Variants in LTBP1 observed in about 807,000 individuals in gnomAD.
LTBP1 encodes latent-transforming growth factor beta-binding protein 1.
In LTBP1, 129 loss-of-function variants were observed where a neutral mutation model predicts 207.6. The observed-to-expected ratio is 0.62, with a 90% CI of 0.54 to 0.72. The LOEUF is 0.72. LTBP1 is among the 30% of genes least tolerant of loss of function. The pLI is 0.00. For missense variants in LTBP1, 2,281 were observed against 2,217.2 expected, an observed-to-expected ratio of 1.03 and a Z score of -0.58; for synonymous variants, 963 against 833.7, an observed-to-expected ratio of 1.16 and a Z score of -2.67.
At chr2:33,226,038 A>G (rs879301583) in intron 9 of LTBP1, among the ~76,000 whole-genome samples, 2 of 152,238 alleles carry the variant, frequency 1.3e-5, no homozygotes, top group Non-Finnish European at 2.9e-5. Context: ...TGCTGCAATA[A>G]TAAGTTCAAT....
chr2:33,277,760 C>CCTTTCTTTCTTTCTTTCTTTCTTTCT, intron 18 of LTBP1, among the ~76,000 whole-genome samples: 2 of 95,470 alleles, frequency 2.1e-5, no homozygotes, highest in African/African-American at 1.1e-4. Flanking sequence ...TTTTTTTTTC[C>CCTTTCTTTCTTTCTTTCTTTCTTTCT]CTTTCTTTCT....
At position 33,347,597 on chromosome 2, in the gene LTBP1, G is replaced by A. The variant is rs984649753; in HGVS notation, c.4000+87G>A. On this transcript the variant is annotated intron_variant, in intron 26 of 33. Transcript: ENST00000404816. ...CAGCTTTGGGATAAACGCTGGGAGT[G>A]AGATAAGAAGCAGCCAGATGTCCTG... The A allele has an allele frequency of 3.3e-6, 5 of 1,506,490 alleles. No individual in the cohort carries two copies. The African/African-American group carries it at 5.5e-5, about 17-fold the overall frequency. The allele number at this position is 1,506,490 out of a possible 1,614,324, so 93.3% of individuals were successfully genotyped here. A position where few individuals can be genotyped will look rare whatever the true frequency, so the allele number is the denominator to read the frequency against.
chr2:33,238,204 A>C (rs2092141749), intron 9 of LTBP1, among the ~76,000 whole-genome samples: 1 of 152,234 alleles, frequency 6.6e-6, no homozygotes, highest in Admixed American at 6.5e-5. Context: ...CTGAACACAC[A>C]CAGATGAATC....
chr2:33,057,952 G>A (rs569871011), intron 3 of LTBP1, among the ~76,000 whole-genome samples: 1 of 152,374 alleles, frequency 6.6e-6, no homozygotes, highest in East Asian at 1.9e-4. Context: ...CCAAGAGCGA[G>A]CGAGGGCTGC....
In LTBP1 at chr2:33,328,162, T is replaced by TAAATAAATAAATAAATAAATAAAATA. The variant is rs61232623; in HGVS notation, c.3730+12900_3730+12901insTAAATAAATAAATAAAATAAAATAAA. ...ATAAATAAATAAATAAATAAATAAA[T>TAAATAAATAAATAAATAAATAAAATA]AAATAAAATAAAAATAAAATGCATG... On this transcript the variant is annotated intron_variant, in intron 24 of 33. Coordinates refer to ENST00000404816, the MANE Select transcript of LTBP1 (RefSeq NM_206943.4). Among the ~76,000 whole-genome samples, 88 of 145,834 alleles carry TAAATAAATAAATAAATAAATAAAATA rather than the reference T, an allele frequency of 6.0e-4. 1 individual carries two copies. The highest frequency in any genetic ancestry group is 2.3e-3 in the African/African-American group (85 of 36,312).
chr2:32,966,624 A>G (rs552069376), intron 2 of LTBP1, among the ~76,000 whole-genome samples: 1 of 152,090 alleles, frequency 6.6e-6, no homozygotes, highest in Admixed American at 6.5e-5. Flanking sequence ...CTTTTTCTGT[A>G]TCTATTGATA....
At chr2:33,175,704 C>T (rs1003021448) in intron 5 of LTBP1, among the ~76,000 whole-genome samples, 17 of 152,082 alleles carry the variant, frequency 1.1e-4, no homozygotes, top group African/African-American at 2.9e-4. Context: ...CACATGCACA[C>T]GTATGTTTAT....
At chr2:33,274,309 A>G (rs1446691741) in intron 16 of LTBP1, among the ~76,000 whole-genome samples, 1 of 151,158 alleles carries the variant, frequency 6.6e-6, no homozygotes, top group African/African-American at 2.4e-5. Context: ...TAAATAAATC[A>G]TTTTAATGTG....
chr2:33,365,495 A>G lies in LTBP1; in HGVS notation c.4703A>G (p.Lys1568Arg). 6.2e-7 allele frequency: 1 copy of G among 1,613,814 alleles called. No individual in the cohort carries two copies. Among genetic ancestry groups the G allele is most frequent in the Non-Finnish European group, 8.5e-7 (1 of 1,179,836 alleles). ...ATGCAGTGTGCCCTCTGCCCCCTGA[A>G]GGATTCAGGTGAGCCCATATCCAAT... is the stretch of plus-strand genomic sequence containing the variant. ...WGMQCALCPLKDSDDYAQLCN... is the reference protein window; with the variant it reads ...WGMQCALCPLRDSDDYAQLCN... Residue 1568 changes from lysine to arginine, a missense_variant, in exon 31 of 34, where the codon AAG (lysine) becomes AGG (arginine). By Grantham distance (26) the Lys-to-Arg change is conservative. Around this residue, in one of 3 missense-constraint regions of LTBP1, gnomAD observed 1,671 missense variants for 1,634.8 expected, o/e 1.02. Coordinates refer to ENST00000404816, the MANE Select transcript of LTBP1 (RefSeq NM_206943.4).
intron 5 of LTBP1, among the ~76,000 whole-genome samples, chr2:33,140,030 C>T (rs1427522488): frequency 6.6e-6 from 1 of 152,194 alleles, no homozygotes; most frequent in Non-Finnish European, 1.5e-5. Flanking sequence ...CTAGGAAACT[C>T]ATGTTTTAAG....
chr2:33,124,042 C>G (rs966620674), intron 4 of LTBP1, among the ~76,000 whole-genome samples: 11 of 152,160 alleles, frequency 7.2e-5, no homozygotes, highest in African/African-American at 2.7e-4. Context: ...AGACTTTTAA[C>G]ACAATAACAT....
intron 19 of LTBP1, among the ~76,000 whole-genome samples, chr2:33,292,584 C>T (rs1260130452): frequency 6.6e-6 from 1 of 152,202 alleles, no homozygotes; most frequent in African/African-American, 2.4e-5. Context: ...TATTATCTAC[C>T]TCTTCAGCGT....
chr2:33,225,019 A>C (rs2091351553), intron 9 of LTBP1, among the ~76,000 whole-genome samples: 1 of 152,100 alleles, frequency 6.6e-6, no homozygotes, highest in Non-Finnish European at 1.5e-5. Context: ...CTGAAATGTA[A>C]ATAAAAGGCT....
chr2:33,231,377 G>A (rs761818594), intron 9 of LTBP1, among the ~76,000 whole-genome samples: 3 of 152,098 alleles, frequency 2.0e-5, no homozygotes, highest in Non-Finnish European at 4.4e-5. Flanking sequence ...AAAGTTCCTC[G>A]GAGTGCATCT....
chr2:33,226,492 A>T (rs2091443132), intron 9 of LTBP1, among the ~76,000 whole-genome samples: 1 of 152,224 alleles, frequency 6.6e-6, no homozygotes, highest in Admixed American at 6.5e-5. Context: ...CTCCATAGGC[A>T]GATCAGGGCT....
At chr2:33,202,432 A>G (rs17012660) in intron 7 of LTBP1, among the ~76,000 whole-genome samples, 4,376 of 152,272 alleles carry the variant, frequency 0.029, 199 homozygotes, top group African/African-American at 0.099. Context: ...GAGCTGAGAC[A>G]TTGAGTTCTG....
chr2:33,098,830 A>G (rs2079545339), intron 3 of LTBP1, among the ~76,000 whole-genome samples: 1 of 152,224 alleles, frequency 6.6e-6, no homozygotes, highest in Non-Finnish European at 1.5e-5. Context: ...AAAGTAGGGC[A>G]ACTAGCCTCA....
intron 3 of LTBP1, among the ~76,000 whole-genome samples, chr2:33,086,553 A>T (rs72869697): frequency 1.3e-3 from 192 of 152,312 alleles, no homozygotes; most frequent in Middle Eastern, 3.4e-3. Flanking sequence ...ACTGCGGTGA[A>T]TAAGTCCTTG....
At chr2:33,281,960 G>A (rs1046806171) in intron 19 of LTBP1, among the ~76,000 whole-genome samples, 3 of 151,644 alleles carry the variant, frequency 2.0e-5, no homozygotes, top group African/African-American at 7.3e-5. Context: ...TGTAAACGCA[G>A]CCCTGATTCA....
Sources: gnomAD v4.1 joint callset for allele counts (sites outside exome capture counted in the v4.1 genomes callset) on GRCh38, gnomAD v4.1.1 for gene constraint, gnomAD v4.1.1 regional missense constraint, MANE v1.5 for transcripts, NCBI Gene and HGNC (gene_info 2026-07-23, HGNC 2026-07-21) for gene names.